The following HSD17B3 variants were observed in gnomAD, a reference collection of about 807,000 sequenced individuals.
HSD17B3 encodes the protein hydroxysteroid 17-beta dehydrogenase 3.
HSD17B3 carries 29 observed loss-of-function variants against 41.1 expected under a neutral mutation model. That is an observed-to-expected ratio of 0.71 (90% confidence interval 0.53 to 0.96). The LOEUF is 0.96. HSD17B3 is among the 40% of genes least tolerant of loss of function. The pLI is 0.00. For synonymous variants in HSD17B3, 126 were observed against 145.6 expected (o/e 0.87, Z 0.97); for missense variants, 323 against 374.6 (o/e 0.86, Z 1.14).
At position 96,281,460 on chromosome 9, in the gene HSD17B3, G is replaced by A. The variant is rs1587771772; in HGVS notation, c.201+16956C>T. Among the ~76,000 whole-genome samples the A allele has an allele frequency of 7.2e-5, 11 of 152,176 alleles. No individual in the cohort carries two copies. In the South Asian group the frequency reaches 2.3e-3, roughly 32 times the overall value. ...GGTTAGAGGCCCTTCTTAATAAAAG[G>A]CAAGGGCACTTGACTAGCCTTGGGT... On this transcript the variant is annotated intron_variant, in intron 2 of 10. Transcript: ENST00000375263.
Position 96,298,453 on chromosome 9 carries a change from C to G in HSD17B3, c.164G>C (p.Gly55Ala). The change falls in exon 2 of 11, where the codon GGA (glycine) becomes GCA (alanine). Residue 55 changes from glycine to alanine, a missense_variant. Transcript: ENST00000375263. ...RSMGQWAVITGAGDGIGKAYS... is the reference protein window; with the variant it reads ...RSMGQWAVITAAGDGIGKAYS... The stretch of plus-strand genomic sequence containing the variant: ...CGCTTTCCCAATTCCATCGCCTGCT[C>G]CAGTGATCACTGTGAAAAGCAAGAA... 1 of 1,613,566 alleles carries G rather than the reference C, an allele frequency of 6.2e-7. No homozygotes were observed. The highest frequency in any genetic ancestry group is 1.1e-5 in the South Asian group (1 of 91,072).
intron 2 of HSD17B3, among the ~76,000 whole-genome samples, chr9:96,277,379 CAAAT>C (rs1016614007): frequency 3.9e-5 from 6 of 152,122 alleles, no homozygotes; most frequent in South Asian, 2.1e-4. Flanking sequence ...CAAAACAAAA[CAAAT>C]AACGTGATTT....
At chr9:96,266,242 C>T (rs1218050901) in intron 2 of HSD17B3, among the ~76,000 whole-genome samples, 2 of 152,104 alleles carry the variant, frequency 1.3e-5, no homozygotes, top group African/African-American at 4.8e-5. Context: ...AAAACATAAA[C>T]CCATGGGGAA....
rs2066487 is a variant in HSD17B3, at chr9:96,244,417, C to G, written c.607-23G>C. ...CGCCTGGAGCAAGAAGGAGAGACAC[C>G]TGAGGCCCCAGAGTGAGCTCCCTCG... On this transcript the variant is annotated intron_variant, in intron 8 of 10. Coordinates refer to ENST00000375263, the MANE Select transcript of HSD17B3 (RefSeq NM_000197.2). The G allele has an allele frequency of 4.2e-3, 6,775 of 1,613,612 alleles. 224 individuals carry two copies. In the African/African-American group the frequency reaches 0.075, roughly 18 times the overall value.
At chr9:96,284,899 C>A (rs150455337) in intron 2 of HSD17B3, among the ~76,000 whole-genome samples, 1 of 149,426 alleles carries the variant, frequency 6.7e-6, no homozygotes, top group Non-Finnish European at 1.5e-5. Flanking sequence ...AGTGCAGTGG[C>A]GTGATCCCAG....
At chr9:96,241,088 T>G (rs2130705285) in intron 9 of HSD17B3, among the ~76,000 whole-genome samples, 181 bp from the exon 10 acceptor site, 1 of 152,246 alleles carries the variant, frequency 6.6e-6, no homozygotes, top group Non-Finnish European at 1.5e-5. Context: ...GAAATTTGGT[T>G]TCTCAAGATG....
Position 96,273,183 on chromosome 9 carries a change from A to AT in HSD17B3, c.202-18241dup, listed in dbSNP as rs575901976. ...TAATATTGTACTATAGCTTTGCAAG[A>AT]TGTTACCATTAGGAGAAATTGGGTA... On this transcript the variant is annotated intron_variant, in intron 2 of 10. Transcript: ENST00000375263. 3.8e-3 allele frequency among the ~76,000 whole-genome samples: 575 copies of AT among 152,298 alleles called. 6 individuals carry two copies. Among genetic ancestry groups the AT allele is most frequent in the African/African-American group, 0.013 (544 of 41,560 alleles).
At chr9:96,250,176 G>C (rs1459503425) in intron 5 of HSD17B3, 1 of 1,178,524 alleles carries the variant, frequency 8.5e-7, no homozygotes, top group Non-Finnish European at 1.1e-6. Flanking sequence ...TAAGGTAGAG[G>C]TTCTGGGCTA....
At chr9:96,249,022 C>T (rs191459275) in intron 6 of HSD17B3, among the ~76,000 whole-genome samples, 16 of 152,172 alleles carry the variant, frequency 1.1e-4, no homozygotes, top group Admixed American at 7.9e-4. Flanking sequence ...TCTCCTGCCT[C>T]AGCCTCCTGA....
At chr9:96,236,075 G>A (rs938943428) in intron 10 of HSD17B3, among the ~76,000 whole-genome samples, 1 of 151,506 alleles carries the variant, frequency 6.6e-6, no homozygotes, top group Non-Finnish European at 1.5e-5. Flanking sequence ...CTCCCAAAGT[G>A]TTGGGATTAC....
chr9:96,279,379 G>C (rs1826597852), intron 2 of HSD17B3, among the ~76,000 whole-genome samples: 1 of 152,164 alleles, frequency 6.6e-6, no homozygotes, highest in Admixed American at 6.5e-5. Flanking sequence ...ACAGGTCATA[G>C]GTGGATTCAA....
Position 96,301,985 on chromosome 9 carries a change from T to C in HSD17B3, c.120A>G (p.Pro40=). ...GTCCCATTGACCGCAAGAAAGACTT[T>C]GGCAAAACTTTCCAGTAGTTCAGTA... ...CVLLNYWKVL[P]KSFLRSMGQW... The change falls in exon 1 of 11, where the codon CCA becomes CCG. Residue 40 remains proline (P), a synonymous_variant. Coordinates refer to ENST00000375263, the MANE Select transcript of HSD17B3 (RefSeq NM_000197.2). 6.2e-7 allele frequency: 1 copy of C among 1,614,188 alleles called. No homozygotes were observed. Among genetic ancestry groups the C allele is most frequent in the Non-Finnish European group, 8.5e-7 (1 of 1,180,038 alleles).
At chr9:96,300,254 GCA>G (rs141438731) in intron 1 of HSD17B3, among the ~76,000 whole-genome samples, 61 of 71,624 alleles carry the variant, frequency 8.5e-4, no homozygotes, top group African/African-American at 2.5e-3. Flanking sequence ...ACACACACAC[GCA>G]CACAGCAAAT....
chr9:96,246,202 A>T (rs544560842), intron 7 of HSD17B3, among the ~76,000 whole-genome samples: 1 of 152,358 alleles, frequency 6.6e-6, no homozygotes, highest in South Asian at 2.1e-4. Flanking sequence ...CTCTCTGACA[A>T]AAGCTGAAAT....
chr9:96,272,405 C>CTCTCTCTCTATA (rs1239816824), intron 2 of HSD17B3, among the ~76,000 whole-genome samples: 1 of 21,538 alleles, frequency 4.6e-5, no homozygotes, highest in African/African-American at 1.6e-4. Context: ...CTCTCTCTCT[C>CTCTCTCTCTATA]TATATATATA....
chr9:96,235,637 G>A (rs200558299), intron 10 of HSD17B3, 67 bp from the exon 11 acceptor site: 5 of 367,348 alleles, frequency 1.4e-5, no homozygotes, highest in Non-Finnish European at 2.1e-5. Flanking sequence ...CATCTTTGTG[G>A]TCTTTAAAAA....
intron 2 of HSD17B3, among the ~76,000 whole-genome samples, chr9:96,278,092 A>G (rs1257892753): frequency 1.3e-5 from 2 of 152,212 alleles, no homozygotes; most frequent in African/African-American, 4.8e-5. Flanking sequence ...GGAGGGGTAA[A>G]TGGTGAGATG....
At chr9:96,249,128 A>G (rs1048486468) in intron 6 of HSD17B3, among the ~76,000 whole-genome samples, 1 of 152,140 alleles carries the variant, frequency 6.6e-6, no homozygotes, top group Non-Finnish European at 1.5e-5. Context: ...GACGGTCTCC[A>G]ACTCCTGACC....
At chr9:96,244,816 G>A (rs1836595050) in intron 8 of HSD17B3, among the ~76,000 whole-genome samples, 1 of 152,138 alleles carries the variant, frequency 6.6e-6, no homozygotes, top group Non-Finnish European at 1.5e-5. Context: ...AAGCTGGAGA[G>A]TGGGGCAGAA....
Sources: allele counts gnomAD v4.1 joint callset (sites outside exome capture counted in the v4.1 genomes callset), GRCh38; gene constraint gnomAD v4.1.1; transcripts MANE v1.5; gene names NCBI Gene and HGNC (gene_info 2026-07-23, HGNC 2026-07-21).